Variants in MGAM observed in about 807,000 individuals in gnomAD.
The protein encoded by MGAM is maltase-glucoamylase.
MGAM carries 253 observed loss-of-function variants against 358.8 expected under a neutral mutation model. The ratio of observed to expected loss-of-function variants is 0.71; its 90% CI spans 0.64 to 0.78. The LOEUF is 0.78. Among genes scored for constraint, MGAM ranks in the 30% least tolerant of loss-of-function variants. The pLI is 0.00. For missense variants in MGAM, 3,080 were observed against 3,432.6 expected, an observed-to-expected ratio of 0.90 and a Z score of 2.57; for synonymous variants, 1,105 against 1,227.1, an observed-to-expected ratio of 0.90 and a Z score of 2.08.
At position 142,059,917 on chromosome 7, in the gene MGAM, A is replaced by G; in HGVS notation, c.4010A>G (p.Asp1337Gly). The G allele has an allele frequency of 6.2e-7, 1 of 1,611,128 alleles. No homozygotes were observed. The highest frequency in any genetic ancestry group is 1.7e-5 in the Admixed American group (1 of 59,642). Reference protein sequence around the residue: ...PYPAFTRGVEDDVFIKYPNDG... With the variant: ...PYPAFTRGVEGDVFIKYPNDG... The stretch of plus-strand genomic sequence containing the variant: ...CCTGCCTTCACTCGGGGCGTGGAGG[A>G]TGACGTCTTCATCAAATACCCAAAT... Residue 1337 changes from aspartate (D) to glycine (G), a missense_variant, in exon 33 of 71, where the codon GAT becomes GGT. This residue lies in a region of MGAM where 1,816 missense variants were observed against 1,840.5 expected (regional missense o/e 0.99). Coordinates refer to ENST00000475668, the MANE Select transcript of MGAM (RefSeq NM_001365693.1).
In MGAM at chr7:142,092,726, G is replaced by A. The variant is rs186944015; in HGVS notation, c.7033+118G>A. 2,320 of 967,398 alleles carry A rather than the reference G, an allele frequency of 2.4e-3. 237 individuals carry two copies. The South Asian group carries it at 0.031, about 13-fold the overall frequency. 59.9% of individuals were successfully genotyped at this position (967,398 alleles called of 1,614,324 possible). A position where few individuals can be genotyped will look rare whatever the true frequency, so the allele number is the denominator to read the frequency against. ...AGGGCACATCCTCATGGCTGCTGTG[G>A]TTTACTGGGGACCAGAGACAAAAGC... is the stretch of plus-strand genomic sequence containing the variant. On this transcript the variant is annotated intron_variant, in intron 59 of 70. Coordinates refer to ENST00000475668, the MANE Select transcript of MGAM (RefSeq NM_001365693.1).
At chr7:142,019,160 C>T in intron 3 of MGAM, 39 bp from the exon 4 acceptor site, 1 of 1,601,384 alleles carries the variant, frequency 6.2e-7, no homozygotes, top group Admixed American at 1.7e-5. Context: ...TCATGTTCTA[C>T]AACTAAATGG....
In MGAM at chr7:142,067,443, C is replaced by T. The variant is rs372212158; in HGVS notation, c.5004+18C>T. On this transcript the variant is annotated intron_variant, in intron 42 of 70. Coordinates refer to ENST00000475668, the MANE Select transcript of MGAM (RefSeq NM_001365693.1). ...TGGAGCGCGTGAGTATGGAGGCCTC[C>T]GATGAGGGGAGGATCCCAGCTGTGA... is the stretch of plus-strand genomic sequence containing the variant. 110 of 1,539,058 alleles carry T rather than the reference C, an allele frequency of 7.1e-5. 9 individuals are homozygous for T. Among genetic ancestry groups the T allele is most frequent in the African/African-American group, 5.4e-4 (40 of 74,192 alleles).
In MGAM at chr7:142,025,138, G is replaced by A. The variant is rs781898633; in HGVS notation, c.971G>A (p.Ser324Asn). The A allele has an allele frequency of 1.9e-6, 3 of 1,605,388 alleles. No individual in the cohort carries two copies. Among genetic ancestry groups the A allele is most frequent in the Non-Finnish European group, 2.6e-6 (3 of 1,172,152 alleles). Residue 324 changes from serine (S) to asparagine (N), a missense_variant, in exon 8 of 71, where the codon AGC (serine) becomes AAC (asparagine). Transcript: ENST00000475668. ...GLSFGVFLMNSNAMEVVLQPA... is the reference protein window; with the variant it reads ...GLSFGVFLMNNNAMEVVLQPA... The stretch of plus-strand genomic sequence containing the variant: ...TCCTTTGGGGTGTTTCTGATGAACA[G>A]CAATGCCATGGGTAAAGGAATATTC...
At chr7:142,031,182 T>C (rs1807455852) in intron 12 of MGAM, among the ~76,000 whole-genome samples, 2 of 152,228 alleles carry the variant, frequency 1.3e-5, no homozygotes, top group Admixed American at 1.3e-4. Flanking sequence ...TACCCACTTC[T>C]TTCTCAAATG....
chr7:142,057,076 A>G (rs1262160129), intron 30 of MGAM, 134 bp downstream of exon 30: 5 of 786,378 alleles, frequency 6.4e-6, no homozygotes, highest in Non-Finnish European at 9.8e-6. Flanking sequence ...ATAGAATGAG[A>G]AAAAATAAAT....
rs1813848183 is a variant in MGAM at position 142,077,565 on chromosome 7, G to A, written c.5493+739G>A. On this transcript the variant is annotated intron_variant, in intron 47 of 70. Transcript: ENST00000475668. Reference sequence around the variant, plus strand: ...AGGATTCAAGGAAGGTTTCAAATTTGCAGCCTTTATGCTTAGAAAAATAAA... The same window carrying A: ...AGGATTCAAGGAAGGTTTCAAATTTACAGCCTTTATGCTTAGAAAAATAAA... 1.4e-5 allele frequency among the ~76,000 whole-genome samples: 2 copies of A among 145,390 alleles called. 1 individual carries two copies. Among genetic ancestry groups the A allele is most frequent in the Non-Finnish European group, 3.1e-5 (2 of 64,238 alleles).
intron 16 of MGAM, among the ~76,000 whole-genome samples, chr7:142,035,729 C>G (rs1807931805): frequency 6.6e-6 from 1 of 152,142 alleles, no homozygotes; most frequent in South Asian, 2.1e-4. Context: ...TTTTAAAGAT[C>G]TAAAAGGTTG....
chr7:142,044,090 A>T (rs1457971579), intron 21 of MGAM, among the ~76,000 whole-genome samples: 1 of 143,414 alleles, frequency 7.0e-6, no homozygotes, highest in Non-Finnish European at 1.5e-5. Context: ...ATATACACAT[A>T]CGACGTATAA....
intron 30 of MGAM, among the ~76,000 whole-genome samples, chr7:142,057,547 G>A (rs571997123): frequency 1.4e-5 from 2 of 146,108 alleles, no homozygotes; most frequent in African/African-American, 5.1e-5. Context: ...GTGGTGGTGG[G>A]GGTGGTAGTG....
chr7:142,018,195 G>A (rs1554456914), intron 3 of MGAM, among the ~76,000 whole-genome samples: 1 of 152,166 alleles, frequency 6.6e-6, no homozygotes, highest in African/African-American at 2.4e-5. Flanking sequence ...TGTCTTCCAG[G>A]ACTATGGGAT....
At position 142,066,821 on chromosome 7, in the gene MGAM, G is replaced by A. The variant is rs1018128171; in HGVS notation, c.4919+100G>A. Reference sequence around the variant, plus strand: ...AACGCTTCCAAATTAAAGACATGATGGCCTTTTGACATGAGCTCTTCAGAC... The same window carrying A: ...AACGCTTCCAAATTAAAGACATGATAGCCTTTTGACATGAGCTCTTCAGAC... On this transcript the variant is annotated intron_variant, in intron 41 of 70. Transcript: ENST00000475668. 1.9e-5 allele frequency: 26 copies of A among 1,356,592 alleles called. 3 individuals are homozygous for A. Among genetic ancestry groups the A allele is most frequent in the Non-Finnish European group, 2.6e-5 (26 of 981,688 alleles). 84.0% of individuals were successfully genotyped at this position (1,356,592 alleles called of 1,614,324 possible).
At position 142,099,742 on chromosome 7, in the gene MGAM, G is replaced by A. The variant is rs759409565; in HGVS notation, c.7874+5G>A. 6.2e-6 allele frequency: 10 copies of A among 1,613,802 alleles called. No individual in the cohort carries two copies. In the Admixed American group the frequency reaches 8.3e-5, roughly 13 times the overall value. ...TGCACTGAACACCCACTTAAGGTAAGTGACAGGACTCAGGTTTTCCTTTAC... is the reference window on the plus strand; with the variant it reads ...TGCACTGAACACCCACTTAAGGTAAATGACAGGACTCAGGTTTTCCTTTAC... On this transcript the variant is annotated splice_donor_5th_base_variant and intron_variant, in intron 67 of 70. Transcript: ENST00000475668.
upstream of MGAM, among the ~76,000 whole-genome samples, chr7:141,993,708 A>G (rs1804041849): frequency 6.6e-6 from 1 of 152,158 alleles, no homozygotes; most frequent in Admixed American, 6.5e-5. Flanking sequence ...TTAGGCTGCA[A>G]ACTACAGTGG....
rs375342862 is a variant in MGAM, at chr7:142,064,417, A to C, written c.4379A>C (p.Lys1460Thr). 4.4e-6 allele frequency: 7 copies of C among 1,608,430 alleles called. No individual in the cohort carries two copies. The South Asian group carries it at 6.7e-5, about 15-fold the overall frequency. The change falls in exon 37 of 71, where the codon AAG becomes ACG. Residue 1460 changes from lysine (K) to threonine (T), a missense_variant. Lys to Thr is a moderately conservative substitution (Grantham distance 78). Around this residue, in one of 5 missense-constraint regions of MGAM, gnomAD observed 1,816 missense variants for 1,840.5 expected, o/e 0.99. Coordinates refer to ENST00000475668, the MANE Select transcript of MGAM (RefSeq NM_001365693.1). Reference protein sequence around the residue: ...LESRDRGLSSKTLCMESQQIL... With the variant: ...LESRDRGLSSTTLCMESQQIL... ...TCCAGGGACAGGGGCCTGAGCAGCA[A>C]GACCCTTTGTATGGAGAGTCAGCAG...
At chr7:142,088,721 A>ATGTC (rs1283708069) in intron 57 of MGAM, among the ~76,000 whole-genome samples, 2,178 of 118,538 alleles carry the variant, frequency 0.018, 211 homozygotes, top group Middle Eastern at 0.027. Flanking sequence ...CTATTCATTT[A>ATGTC]TGTCTGTCTG....
rs1585098725 is a variant in MGAM, at chr7:142,092,576, A to G, written c.7001A>G (p.Asp2334Gly). ...VNGAVSPGCRDASLNHPPYMP... is the reference protein window; with the variant it reads ...VNGAVSPGCRGASLNHPPYMP... The stretch of plus-strand genomic sequence containing the variant: ...GGGGCAGTTTCTCCAGGCTGCAGGG[A>G]TGCCTCTCTGAACCACCCTCCCTAC... Residue 2334 changes from aspartate (D) to glycine (G), a missense_variant, in exon 59 of 71, where the codon GAT becomes GGT. Around this residue, in one of 5 missense-constraint regions of MGAM, gnomAD observed 932 missense variants for 1,198.2 expected, o/e 0.78. Transcript: ENST00000475668. 1 of 1,547,416 alleles carries G rather than the reference A, an allele frequency of 6.5e-7. No individual in the cohort carries two copies. Among genetic ancestry groups the G allele is most frequent in the Non-Finnish European group, 8.9e-7 (1 of 1,128,030 alleles).
At chr7:142,061,029 A>C (rs1812141986) in intron 34 of MGAM, among the ~76,000 whole-genome samples, 1 of 152,110 alleles carries the variant, frequency 6.6e-6, no homozygotes, top group Admixed American at 6.5e-5. Context: ...CCGATTGACT[A>C]AGCATTTCTT....
At position 142,040,216 on chromosome 7, in the gene MGAM, C is replaced by CAGCTGCAT. The variant is rs751673125; in HGVS notation, c.2373+48_2373+55dup. 1.1e-4 allele frequency: 156 copies of CAGCTGCAT among 1,437,774 alleles called. 3 individuals are homozygous for CAGCTGCAT. The South Asian group carries it at 1.8e-3, about 17-fold the overall frequency. 89.1% of individuals were successfully genotyped at this position (1,437,774 alleles called of 1,614,324 possible). A position where few individuals can be genotyped will look rare whatever the true frequency, so the allele number is the denominator to read the frequency against. Reference sequence around the variant, plus strand: ...CTTCTACTCCTTAAGACTGTAGCTGCAGCTGCATAGACAAGCTACCTTTCT... The same window carrying CAGCTGCAT: ...CTTCTACTCCTTAAGACTGTAGCTGCAGCTGCATAGCTGCATAGACAAGCTACCTTTCT... On this transcript the variant is annotated intron_variant, in intron 20 of 70. Transcript: ENST00000475668.
Sources: gnomAD v4.1 joint callset for allele counts (sites outside exome capture counted in the v4.1 genomes callset) on GRCh38, gnomAD v4.1.1 for gene constraint, gnomAD v4.1.1 regional missense constraint, MANE v1.5 for transcripts, NCBI Gene and HGNC (gene_info 2026-07-23, HGNC 2026-07-21) for gene names.